ABI3BP: variants seen among roughly 807,000 people sequenced by gnomAD.
ABI3BP encodes ABI family member 3 binding protein.
Under a neutral mutation model 268.6 loss-of-function variants are expected in ABI3BP, and 216 were observed. That is an observed-to-expected ratio of 0.80 (90% confidence interval 0.72 to 0.90). The LOEUF is 0.90. ABI3BP is among the 40% of genes least tolerant of loss of function. The pLI is 0.00. For missense variants in ABI3BP, 2,090 were observed against 2,182.4 expected (o/e 0.96, Z 0.84); for synonymous variants, 730 against 730.0 (o/e 1.00, Z 0.00).
chr3:100,945,318 C>T (rs2153730857), intron 1 of ABI3BP, among the ~76,000 whole-genome samples: 1 of 152,128 alleles, frequency 6.6e-6, no homozygotes, highest in Middle Eastern at 3.4e-3. Flanking sequence ...TTTTTAACAG[C>T]TCTAGTGAGA....
intron 35 of ABI3BP, 70 bp downstream of exon 35, chr3:100,825,715 A>C: frequency 8.3e-7 from 1 of 1,212,038 alleles, no homozygotes; most frequent in South Asian, 1.3e-5. Flanking sequence ...ATAGGGATGA[A>C]GACTGAATGG....
At position 100,850,651 on chromosome 3, in the gene ABI3BP, A is replaced by G; in HGVS notation, c.1426+9T>C. 6.2e-7 allele frequency: 1 copy of G among 1,600,274 alleles called. No individual in the cohort carries two copies. The highest frequency in any genetic ancestry group is 8.5e-7 in the Non-Finnish European group (1 of 1,170,238). On this transcript the variant is annotated intron_variant, in intron 16 of 67. Transcript: ENST00000471714. Reference sequence around the variant, plus strand: ...AAATAAAGTATGATTTTTCTGTTAAAAACATTACCCAGTGTTGCCCTTGGC... The same window carrying G: ...AAATAAAGTATGATTTTTCTGTTAAGAACATTACCCAGTGTTGCCCTTGGC...
At chr3:100,859,655 T>C (rs1475097504) in intron 14 of ABI3BP, among the ~76,000 whole-genome samples, 2 of 152,210 alleles carry the variant, frequency 1.3e-5, no homozygotes, top group Non-Finnish European at 2.9e-5. Context: ...AAATCACAGA[T>C]ACTACATTTG....
chr3:100,847,600 A>T lies in ABI3BP; in HGVS notation c.1648+2T>A, dbSNP rs750367952. 7 of 1,607,432 alleles carry T rather than the reference A, an allele frequency of 4.4e-6. No homozygotes were observed. The highest frequency in any genetic ancestry group is 6.0e-6 in the Non-Finnish European group (7 of 1,174,142). ...CATCTACTAAGGACATATCATTATT[A>T]CCCGGTGTTGTCCATGTAGGTTCAG... On this transcript the variant is annotated splice_donor_variant, in intron 19 of 67. Coordinates refer to ENST00000471714, the MANE Select transcript of ABI3BP (RefSeq NM_001375547.2). LOFTEE classifies it high-confidence loss of function.
rs374247575 is a variant in ABI3BP at position 100,988,624 on chromosome 3, C to T, written c.79+4682G>A. 1.8e-4 allele frequency among the ~76,000 whole-genome samples: 27 copies of T among 151,970 alleles called. 1 individual carries two copies. Among genetic ancestry groups the T allele is most frequent in the East Asian group, 1.2e-3 (6 of 5,158 alleles). ...CCCATCCAGATTGGATCCTTTTTTTCTCAAAATGCTTTGTGCTTCACCCAC... is the reference window on the plus strand; with the variant it reads ...CCCATCCAGATTGGATCCTTTTTTTTTCAAAATGCTTTGTGCTTCACCCAC... On this transcript the variant is annotated intron_variant, in intron 1 of 67. Coordinates refer to ENST00000471714, the MANE Select transcript of ABI3BP (RefSeq NM_001375547.2).
intron 23 of ABI3BP, 104 bp downstream of exon 23, chr3:100,839,968 A>G (rs1413181088): frequency 9.9e-6 from 9 of 912,090 alleles, no homozygotes; most frequent in South Asian, 1.4e-5. Context: ...ATAAAAGTCA[A>G]TTCCACTGGT....
At chr3:100,784,861 C>A (rs1207895795) in intron 57 of ABI3BP, among the ~76,000 whole-genome samples, 2 of 151,906 alleles carry the variant, frequency 1.3e-5, no homozygotes, top group Non-Finnish European at 2.9e-5. Flanking sequence ...GAGTGATATA[C>A]CGAACTTTAG....
At chr3:100,853,492 A>G (rs1430344559) in intron 14 of ABI3BP, among the ~76,000 whole-genome samples, 1 of 152,184 alleles carries the variant, frequency 6.6e-6, no homozygotes, top group Non-Finnish European at 1.5e-5. Flanking sequence ...ATCCTCTCAC[A>G]CTAGGTAAGA....
chr3:100,965,632 A>T (rs1267916719), intron 1 of ABI3BP, among the ~76,000 whole-genome samples: 2 of 152,124 alleles, frequency 1.3e-5, no homozygotes, highest in African/African-American at 4.8e-5. Context: ...ACCAGGCATT[A>T]ATCTGGGTGC....
chr3:100,843,688 AAGTACCTCAGAT>A, intron 20 of ABI3BP: 1 of 984,420 alleles, frequency 1.0e-6, no homozygotes, highest in Non-Finnish European at 1.2e-6. Flanking sequence ...GTATAGGTCT[AAGTACCTCAGAT>A]GCTATAGGAC....
rs1191867376 is a variant in ABI3BP at position 100,765,783 on chromosome 3, G to C, written c.4850+58C>G. The C allele has an allele frequency of 4.8e-6, 6 of 1,247,978 alleles. No homozygotes were observed. The South Asian group carries it at 7.7e-5, about 16-fold the overall frequency. The allele number at this position is 1,247,978 out of a possible 1,614,324, so 77.3% of individuals were successfully genotyped here. A position where few individuals can be genotyped will look rare whatever the true frequency, so the allele number is the denominator to read the frequency against. On this transcript the variant is annotated intron_variant, in intron 63 of 67. Coordinates refer to ENST00000471714, the MANE Select transcript of ABI3BP (RefSeq NM_001375547.2). ...AAGATGATTATCATTTCTTTCCCTT[G>C]TTGTGGTTATAACTTTTGCACTCTC...
chr3:100,762,480 C>T (rs1182276815), intron 63 of ABI3BP, among the ~76,000 whole-genome samples: 2 of 152,106 alleles, frequency 1.3e-5, no homozygotes, highest in Non-Finnish European at 2.9e-5. Context: ...TTCTATGAAG[C>T]GTTCTCTCCT....
At position 100,979,719 on chromosome 3, in the gene ABI3BP, C is replaced by T. The variant is rs182525108; in HGVS notation, c.79+13587G>A. On this transcript the variant is annotated intron_variant, in intron 1 of 67. Transcript: ENST00000471714. Reference sequence around the variant, plus strand: ...GTAAATACTTGTTGTCTTAATTTTCCGGCATAAGTGAAAATAGATGTTTGC... The same window carrying T: ...GTAAATACTTGTTGTCTTAATTTTCTGGCATAAGTGAAAATAGATGTTTGC... 1.2e-4 allele frequency among the ~76,000 whole-genome samples: 19 copies of T among 152,164 alleles called. No homozygotes were observed. The East Asian group carries it at 1.9e-3, about 15-fold the overall frequency.
chr3:100,863,028 C>T (rs1002546695), intron 12 of ABI3BP, 119 bp from the exon 13 acceptor site: 21 of 657,020 alleles, frequency 3.2e-5, no homozygotes, highest in Admixed American at 1.4e-4. Context: ...TGTTAAGAGA[C>T]CATTAGTAGT....
chr3:100,862,128 C>T (rs2099005134), intron 14 of ABI3BP, among the ~76,000 whole-genome samples, 183 bp downstream of exon 14: 1 of 152,146 alleles, frequency 6.6e-6, no homozygotes, highest in Admixed American at 6.5e-5. Flanking sequence ...GTCTTTAAAA[C>T]ATTCAAAACC....
intron 3 of ABI3BP, among the ~76,000 whole-genome samples, chr3:100,901,638 C>T (rs904664483): frequency 1.3e-5 from 2 of 151,764 alleles, no homozygotes; most frequent in Non-Finnish European, 2.9e-5. Flanking sequence ...TGGTGGTGGG[C>T]GCCTGTAGTC....
intron 63 of ABI3BP, among the ~76,000 whole-genome samples, chr3:100,765,593 G>GT (rs376298604): frequency 1.3e-5 from 2 of 152,024 alleles, no homozygotes; most frequent in South Asian, 2.1e-4. Flanking sequence ...GGTATCAGAT[G>GT]TTTTTTTAAA....
At chr3:100,959,422 G>A (rs974307749) in intron 1 of ABI3BP, among the ~76,000 whole-genome samples, 11 of 148,280 alleles carry the variant, frequency 7.4e-5, no homozygotes, top group East Asian at 4.0e-4. Flanking sequence ...CCCGGGAGGC[G>A]GAGCTTGCAG....
chr3:100,942,342 T>C (rs1267185453), intron 1 of ABI3BP, among the ~76,000 whole-genome samples: 11 of 152,112 alleles, frequency 7.2e-5, no homozygotes, highest in Non-Finnish European at 1.5e-5. Flanking sequence ...TTTGTTTAAT[T>C]AGTCACAAAA....
Sources: allele counts gnomAD v4.1 joint callset (sites outside exome capture counted in the v4.1 genomes callset), GRCh38; gene constraint gnomAD v4.1.1; transcripts MANE v1.5; gene names NCBI Gene and HGNC (gene_info 2026-07-23, HGNC 2026-07-21).